The following HCAR2 variants were observed in gnomAD, a reference collection of about 807,000 sequenced individuals.
HCAR2 encodes G protein-coupled receptor HM74a.
For missense variants in HCAR2, 346 were observed against 476.6 expected (o/e 0.73, Z 2.55); for synonymous variants, 156 against 189.4 (o/e 0.82, Z 1.45).
In HCAR2 at chr12:122,702,766, C is replaced by G. The variant is rs144376493; in HGVS notation, c.518G>C (p.Gly173Ala). The change falls in exon 1 of 1, where the codon GGT becomes GCT. Residue 173 changes from glycine (G) to alanine (A), a missense_variant. Transcript: ENST00000328880. ...GCTGAAGCTGCTGCACAAATTTGCA[C>G]CGCCATTCTGGATCGGCATCTTCTT... ...LKKKMPIQNGGANLCSSFSIC... is the reference protein window; with the variant it reads ...LKKKMPIQNGAANLCSSFSIC... The G allele has an allele frequency of 2.7e-3, 4,366 of 1,613,938 alleles. 15 individuals carry two copies. Among genetic ancestry groups the G allele is most frequent in the Non-Finnish European group, 3.3e-3 (3,943 of 1,179,808 alleles).
chr12:122,702,952 C>G lies in HCAR2; in HGVS notation c.332G>C (p.Arg111Pro). ...CGTGAGGAAGATGATGCTGCCCTGGCGGTTCATAGCCAACATGAAGAGCAT... is the reference window on the plus strand; with the variant it reads ...CGTGAGGAAGATGATGCTGCCCTGGGGGTTCATAGCCAACATGAAGAGCAT... ...RLMLFMLAMN[R>P]QGSIIFLTVV... The change falls in exon 1 of 1, where the codon CGC becomes CCC. Residue 111 changes from arginine (R) to proline (P), a missense_variant. Transcript: ENST00000328880. 1.2e-6 allele frequency: 2 copies of G among 1,614,032 alleles called. No homozygotes were observed. The highest frequency in any genetic ancestry group is 1.7e-6 in the Non-Finnish European group (2 of 1,179,994).
In HCAR2 at chr12:122,702,154, T is replaced by C; in HGVS notation, c.*38A>G. ...AGCCCAACTGTTTCTCCAGAGATCC[T>C]GGTTCTTGGTGACAATGTCCCTTCT... On this transcript the variant is annotated 3_prime_UTR_variant, in exon 1 of 1. Coordinates refer to ENST00000328880, the MANE Select transcript of HCAR2 (RefSeq NM_177551.4). 6.2e-7 allele frequency: 1 copy of C among 1,613,574 alleles called. No individual in the cohort carries two copies. The highest frequency in any genetic ancestry group is 8.5e-7 in the Non-Finnish European group (1 of 1,179,884).
Position 122,701,555 on chromosome 12 carries a change from A to G in HCAR2, c.*637T>C, listed in dbSNP as rs1010022817. 3 of 154,328 alleles carry G rather than the reference A, an allele frequency of 1.9e-5. No individual in the cohort carries two copies. Among genetic ancestry groups the G allele is most frequent in the African/African-American group, 7.2e-5 (3 of 41,466 alleles). 9.6% of individuals were successfully genotyped at this position (154,328 alleles called of 1,614,324 possible). A position where few individuals can be genotyped will look rare whatever the true frequency, so the allele number is the denominator to read the frequency against. ...CAGCAATGCCATTTCCTTTCCCATA[A>G]TAACACTGTTTAGCTCAGTCCCTTC... On this transcript the variant is annotated 3_prime_UTR_variant, in exon 1 of 1. Coordinates refer to ENST00000328880, the MANE Select transcript of HCAR2 (RefSeq NM_177551.4).
At position 122,702,518 on chromosome 12, in the gene HCAR2, A is replaced by G. The variant is rs748863293; in HGVS notation, c.766T>C (p.Trp256Arg). The change falls in exon 1 of 1, where the codon TGG becomes CGG. Residue 256 changes from tryptophan (W) to arginine (R), a missense_variant. By Grantham distance (101) the Trp-to-Arg change is moderately radical. Coordinates refer to ENST00000328880, the MANE Select transcript of HCAR2 (RefSeq NM_177551.4). ...PSVVVRIRIFWLLHTSGTQNC... is the reference protein window; with the variant it reads ...PSVVVRIRIFRLLHTSGTQNC... ...TGCGTGCCCGAAGTGTGCAGGAGCC[A>G]GAAGATGCGGATCCGCACAACCACG... The G allele has an allele frequency of 1.9e-6, 3 of 1,614,196 alleles. No homozygotes were observed. Among genetic ancestry groups the G allele is most frequent in the African/African-American group, 1.3e-5 (1 of 75,076 alleles).
In HCAR2 at chr12:122,701,538, C is replaced by G. The variant is rs1303688624; in HGVS notation, c.*654G>C. ...TAGTCGCTGGTTGAAAGCAGCAATG[C>G]CATTTCCTTTCCCATAATAACACTG... is the stretch of plus-strand genomic sequence containing the variant. On this transcript the variant is annotated 3_prime_UTR_variant, in exon 1 of 1. Coordinates refer to ENST00000328880, the MANE Select transcript of HCAR2 (RefSeq NM_177551.4). The G allele has an allele frequency of 6.5e-6, 1 of 153,226 alleles. No individual in the cohort carries two copies. Among genetic ancestry groups the G allele is most frequent in the Non-Finnish European group, 1.5e-5 (1 of 68,772 alleles). The allele number at this position is 153,226 out of a possible 1,614,324, so 9.5% of individuals were successfully genotyped here. A position where few individuals can be genotyped will look rare whatever the true frequency, so the allele number is the denominator to read the frequency against.
At position 122,701,382 on chromosome 12, in the gene HCAR2, A is replaced by C. The variant is rs2936739; in HGVS notation, c.*810T>G. On this transcript the variant is annotated 3_prime_UTR_variant, in exon 1 of 1. Coordinates refer to ENST00000328880, the MANE Select transcript of HCAR2 (RefSeq NM_177551.4). ...ACCAGGAGGAACGTGCACCCCTCTA[A>C]CTGTGGGGCAGAGGCACATTTCCCT... The C allele has an allele frequency of 4.6e-5, 7 of 152,258 alleles. No homozygotes were observed. Among genetic ancestry groups the C allele is most frequent in the Admixed American group, 6.5e-5 (1 of 15,272 alleles). 9.4% of individuals were successfully genotyped at this position (152,258 alleles called of 1,614,324 possible). A position where few individuals can be genotyped will look rare whatever the true frequency, so the allele number is the denominator to read the frequency against.
Position 122,702,279 on chromosome 12 carries a change from G to A in HCAR2, c.1005C>T (p.Pro335=). ...CCTCTGGAGCGCCTCTGGTTTTGTTGGGGTCCCCTGTGAGCTCGACGCTCG... is the reference window on the plus strand; with the variant it reads ...CCTCTGGAGCGCCTCTGGTTTTGTTAGGGTCCCCTGTGAGCTCGACGCTCG... ...RSTSVELTGD[P]NKTRGAPEAL... Residue 335 remains proline (P), a synonymous_variant, in exon 1 of 1, where the codon CCC becomes CCT. Transcript: ENST00000328880. 1 of 1,614,202 alleles carries A rather than the reference G, an allele frequency of 6.2e-7. No individual in the cohort carries two copies. Among genetic ancestry groups the A allele is most frequent in the Non-Finnish European group, 8.5e-7 (1 of 1,180,036 alleles).
chr12:122,701,384 T>C lies in HCAR2; in HGVS notation c.*808A>G, dbSNP rs1174260727. ...CAGGAGGAACGTGCACCCCTCTAAC[T>C]GTGGGGCAGAGGCACATTTCCCTTT... On this transcript the variant is annotated 3_prime_UTR_variant, in exon 1 of 1. Coordinates refer to ENST00000328880, the MANE Select transcript of HCAR2 (RefSeq NM_177551.4). 4.6e-5 allele frequency: 7 copies of C among 152,270 alleles called. No homozygotes were observed. The highest frequency in any genetic ancestry group is 6.5e-5 in the Admixed American group (1 of 15,278). The allele number at this position is 152,270 out of a possible 1,614,324, so 9.4% of individuals were successfully genotyped here. A position where few individuals can be genotyped will look rare whatever the true frequency, so the allele number is the denominator to read the frequency against.
Position 122,702,412 on chromosome 12 carries a change from G to A in HCAR2, c.872C>T (p.Pro291Leu). 1 of 1,614,154 alleles carries A rather than the reference G, an allele frequency of 6.2e-7. No individual in the cohort carries two copies. Among genetic ancestry groups the A allele is most frequent in the Non-Finnish European group, 8.5e-7 (1 of 1,180,026 alleles). Residue 291 changes from proline (P) to leucine (L), a missense_variant, in exon 1 of 1, where the codon CCC (proline) becomes CTC (leucine). Coordinates refer to ENST00000328880, the MANE Select transcript of HCAR2 (RefSeq NM_177551.4). ...SFTYMNSMLD[P>L]VVYYFSSPSF... ...TGGGCTGGAGAAGTAGTACACCACG[G>A]GGTCCAGCATGCTGTTCATGTAGGT...
Position 122,702,827 on chromosome 12 carries a change from C to A in HCAR2, c.457G>T (p.Gly153Cys). The change falls in exon 1 of 1, where the codon GGC (glycine) becomes TGC (cysteine). Residue 153 changes from glycine (G) to cysteine (C), a missense_variant. By Grantham distance (159) the Gly-to-Cys change is radical (BLOSUM62 -3). Transcript: ENST00000328880. ...TGGACTGTCAGGCCAATAGTGATGC[C>A]CCACAGAAGGCAAGAGATGATGGCT... ...TAAIISCLLW[G>C]ITIGLTVHLL... is the part of the protein sequence containing the mutation. The A allele has an allele frequency of 6.2e-7, 1 of 1,614,106 alleles. No individual in the cohort carries two copies.
rs146556314 is a variant in HCAR2, at chr12:122,701,693, C to T, written c.*499G>A. Reference sequence around the variant, plus strand: ...CTTGTCTGAAAGATGAATTGGTCCACGGAAGCCAGGTGACCTACTGGCTTG... The same window carrying T: ...CTTGTCTGAAAGATGAATTGGTCCATGGAAGCCAGGTGACCTACTGGCTTG... On this transcript the variant is annotated 3_prime_UTR_variant, in exon 1 of 1. Transcript: ENST00000328880. 319 of 188,736 alleles carry T rather than the reference C, an allele frequency of 1.7e-3. 4 individuals are homozygous for T. Among genetic ancestry groups the T allele is most frequent in the Admixed American group, 0.015 (287 of 18,840 alleles). The allele number at this position is 188,736 out of a possible 1,614,324, so 11.7% of individuals were successfully genotyped here.
rs1353152830 is a variant in HCAR2, at chr12:122,702,719, G to A, written c.565C>T (p.His189Tyr). 5.6e-6 allele frequency: 9 copies of A among 1,614,064 alleles called. No homozygotes were observed. The highest frequency in any genetic ancestry group is 6.8e-6 in the Non-Finnish European group (8 of 1,180,040). Residue 189 changes from histidine (H) to tyrosine (Y), a missense_variant, in exon 1 of 1, where the codon CAC becomes TAC. Coordinates refer to ENST00000328880, the MANE Select transcript of HCAR2 (RefSeq NM_177551.4). ...SFSICHTFQW[H>Y]EAMFLLEFFL... ...AACTCCAGGAGGAACATGGCTTCGT[G>A]CCACTGGAAGGTATGGCAGATGCTG...
rs772591025 is a variant in HCAR2, at chr12:122,702,214, T to C, written c.1070A>G (p.Tyr357Cys). 13 of 1,614,210 alleles carry C rather than the reference T, an allele frequency of 8.1e-6. No homozygotes were observed. The South Asian group carries it at 1.4e-4, about 18-fold the overall frequency. ...TATTTAAGGAGAGGTTGGGCCCAGA[T>C]AAGAGGGGCTCCATGGCTCACCGGA... is the stretch of plus-strand genomic sequence containing the variant. ...ANSGEPWSPS[Y>C]LGPTSP The change falls in exon 1 of 1, where the codon TAT becomes TGT. Residue 357 changes from tyrosine (Y) to cysteine (C), a missense_variant. Tyr to Cys is a radical substitution (Grantham distance 194). Transcript: ENST00000328880.
rs1877137098 is a variant in HCAR2, at chr12:122,703,217, C to G, written c.67G>C (p.Asp23His). Residue 23 changes from aspartate to histidine, a missense_variant, in exon 1 of 1, where the codon GAT (aspartate) becomes CAT (histidine). Transcript: ENST00000328880. ...GGCAACACCTTGACAATGAAGTCAT[C>G]TCGGAACACACAGCAGTTCTTCTTG... ...IDKKNCCVFRDDFIVKVLPPV... is the reference protein window; with the variant it reads ...IDKKNCCVFRHDFIVKVLPPV... The G allele has an allele frequency of 5.0e-6, 8 of 1,614,034 alleles. No individual in the cohort carries two copies. The Admixed American group carries it at 1.2e-4, about 24-fold the overall frequency.
chr12:122,702,899 C>G lies in HCAR2; in HGVS notation c.385G>C (p.Val129Leu). 6 of 1,614,138 alleles carry G rather than the reference C, an allele frequency of 3.7e-6. No individual in the cohort carries two copies. The highest frequency in any genetic ancestry group is 5.1e-6 in the Non-Finnish European group (6 of 1,180,032). ...TVVAVDRYFR[V>L]VHPHHALNKI... ...TTCAGGGCGTGGTGGGGATGGACCA[C>G]CCGGAAATACCTGTCTACCGCCACC... The change falls in exon 1 of 1, where the codon GTG becomes CTG. Residue 129 changes from valine to leucine, a missense_variant. By Grantham distance (32) the Val-to-Leu change is conservative (BLOSUM62 1). Coordinates refer to ENST00000328880, the MANE Select transcript of HCAR2 (RefSeq NM_177551.4).
rs1207765445 is a variant in HCAR2, at chr12:122,702,948, C to T, written c.336G>A (p.Gln112=). 1.9e-6 allele frequency: 3 copies of T among 1,614,136 alleles called. No individual in the cohort carries two copies. The highest frequency in any genetic ancestry group is 8.5e-7 in the Non-Finnish European group (1 of 1,180,016). ...CCACCGTGAGGAAGATGATGCTGCCCTGGCGGTTCATAGCCAACATGAAGA... is the reference window on the plus strand; with the variant it reads ...CCACCGTGAGGAAGATGATGCTGCCTTGGCGGTTCATAGCCAACATGAAGA... ...LMLFMLAMNR[Q]GSIIFLTVVA... is the part of the protein sequence containing the mutation. Residue 112 remains glutamine, a synonymous_variant, in exon 1 of 1, where the codon CAG becomes CAA. Transcript: ENST00000328880.
In HCAR2 at chr12:122,703,011, C is replaced by T; in HGVS notation, c.273G>A (p.Trp91Ter). The T allele has an allele frequency of 2.5e-6, 4 of 1,614,082 alleles. No homozygotes were observed. The highest frequency in any genetic ancestry group is 2.2e-5 in the East Asian group (1 of 44,872). Reference sequence around the variant, plus strand: ...AAGGGATGTCCCCAAACTTCCAGTCCCAACGCCTCACATAGTTGTCCATCA... The same window carrying T: ...AAGGGATGTCCCCAAACTTCCAGTCTCAACGCCTCACATAGTTGTCCATCA... ...PFLMDNYVRRWDWKFGDIPCR... is the reference protein window; with the variant it reads ...PFLMDNYVRR Residue 91 changes from tryptophan to a stop codon, truncating the protein, a stop_gained, in exon 1 of 1, where the codon TGG (tryptophan) becomes TGA (stop). Transcript: ENST00000328880. LOFTEE classifies it low-confidence loss of function (END_TRUNC).
In HCAR2 at chr12:122,703,308, A is replaced by G; in HGVS notation, c.-25T>C. On this transcript the variant is annotated 5_prime_UTR_variant, in exon 1 of 1. Transcript: ENST00000328880. ...TGAGTGCGGCTAGTGAGTCCGATGG[A>G]GCGCCTCGCCTAGTGAATGCTCCAG... is the stretch of plus-strand genomic sequence containing the variant. 6.2e-7 allele frequency: 1 copy of G among 1,609,204 alleles called. No homozygotes were observed.
In HCAR2 at chr12:122,702,530, T is replaced by A. The variant is rs773193151; in HGVS notation, c.754A>T (p.Ile252Phe). ...ICFLPSVVVRIRIFWLLHTSG... is the reference protein window; with the variant it reads ...ICFLPSVVVRFRIFWLLHTSG... ...GTGTGCAGGAGCCAGAAGATGCGGA[T>A]CCGCACAACCACGCTGGGAAGGAAG... Residue 252 changes from isoleucine to phenylalanine, a missense_variant, in exon 1 of 1, where the codon ATC becomes TTC. Ile to Phe is a conservative substitution (Grantham distance 21). Transcript: ENST00000328880. 3 of 1,614,150 alleles carry A rather than the reference T, an allele frequency of 1.9e-6. No individual in the cohort carries two copies. In the East Asian group the frequency reaches 6.7e-5, roughly 36 times the overall value.
Sources: allele counts gnomAD v4.1 joint callset, GRCh38; gene constraint gnomAD v4.1.1; transcripts MANE v1.5; gene names NCBI Gene and HGNC (gene_info 2026-07-23, HGNC 2026-07-21).